Variants in SLC8A1 observed in about 807,000 individuals in gnomAD.
SLC8A1 encodes the protein solute carrier family 8 member A1.
A neutral mutation model predicts 68.3 loss-of-function variants in SLC8A1; 18 were observed. The ratio of observed to expected loss-of-function variants is 0.26; its 90% confidence interval spans 0.18 to 0.39. The LOEUF is 0.39. Among genes scored for constraint, SLC8A1 ranks in the 10% least tolerant of loss-of-function variants. The probability of loss-of-function intolerance (pLI) is 1.00; values close to 1 mark genes in which losing one functional copy is unlikely to be tolerated. For synonymous variants in SLC8A1, 475 were observed against 415.5 expected (o/e 1.14, Z -1.74); for missense variants, 985 against 1,156.7 (o/e 0.85, Z 2.15).
chr2:40,252,816 A>ACACATATAAAATTTGGCTCAAAT (rs1491512523), intron 2 of SLC8A1, among the ~76,000 whole-genome samples: 1,843 of 145,916 alleles, frequency 0.013, 45 homozygotes, highest in African/African-American at 0.044. Flanking sequence ...GTACATATAC[A>ACACATATAAAATTTGGCTCAAAT]TATATATGTA....
At chr2:40,150,051 TAAAA>T (rs56010293) in intron 6 of SLC8A1, among the ~76,000 whole-genome samples, 4 of 121,732 alleles carry the variant, frequency 3.3e-5, no homozygotes, top group Admixed American at 8.9e-5. Flanking sequence ...TCTTATTTGT[TAAAA>T]AAAAAAAAAA....
At chr2:40,356,973 A>G (rs922823245) in intron 2 of SLC8A1, among the ~76,000 whole-genome samples, 1 of 152,210 alleles carries the variant, frequency 6.6e-6, no homozygotes, top group Non-Finnish European at 1.5e-5. Flanking sequence ...TATTATAAAC[A>G]AGAACACTCC....
At chr2:40,254,196 T>G (rs918985733) in intron 2 of SLC8A1, among the ~76,000 whole-genome samples, 5 of 151,908 alleles carry the variant, frequency 3.3e-5, no homozygotes, top group African/African-American at 1.2e-4. Context: ...AAAAAGAAAA[T>G]AAAAGCTAAT....
upstream of SLC8A1, among the ~76,000 whole-genome samples, chr2:40,452,264 C>G (rs989429473): frequency 6.0e-5 from 9 of 151,190 alleles, no homozygotes; most frequent in African/African-American, 2.2e-4. Flanking sequence ...CCGGGCGCCC[C>G]GGGGCCCCCT....
At chr2:40,204,663 G>A (rs1295596600) in intron 2 of SLC8A1, among the ~76,000 whole-genome samples, 1 of 151,842 alleles carries the variant, frequency 6.6e-6, no homozygotes, top group African/African-American at 2.4e-5. Flanking sequence ...AGGTCAGACA[G>A]GTTAGTCCAA....
intron 7 of SLC8A1, among the ~76,000 whole-genome samples, chr2:40,137,439 C>T (rs1161450491): frequency 6.6e-6 from 1 of 152,150 alleles, no homozygotes; most frequent in Non-Finnish European, 1.5e-5. Context: ...CACATATTCT[C>T]CTCAGAGACT....
intron 2 of SLC8A1, among the ~76,000 whole-genome samples, chr2:40,400,736 G>C (rs1453472517): frequency 6.6e-6 from 1 of 152,126 alleles, no homozygotes; most frequent in South Asian, 2.1e-4. Context: ...TTGCAAGATG[G>C]GGGTAGGAGA....
At chr2:40,259,617 G>A (rs981567582) in intron 2 of SLC8A1, among the ~76,000 whole-genome samples, 2 of 152,124 alleles carry the variant, frequency 1.3e-5, no homozygotes, top group Non-Finnish European at 2.9e-5. Flanking sequence ...ACAAGCATGT[G>A]CCACCATGCC....
intron 6 of SLC8A1, among the ~76,000 whole-genome samples, 168 bp downstream of exon 9, chr2:40,160,597 G>A (rs1026097929): frequency 3.3e-5 from 5 of 152,192 alleles, no homozygotes; most frequent in Non-Finnish European, 4.4e-5. Flanking sequence ...CATCTAGATA[G>A]TCAATTTAGT....
chr2:40,148,486 A>G (rs1037043998), intron 6 of SLC8A1, among the ~76,000 whole-genome samples: 10 of 152,212 alleles, frequency 6.6e-5, no homozygotes, highest in African/African-American at 2.2e-4. Flanking sequence ...GGTGATGCAA[A>G]TTGAGTAACA....
At chr2:40,397,352 G>C (rs1419867946) in intron 2 of SLC8A1, among the ~76,000 whole-genome samples, 1 of 152,164 alleles carries the variant, frequency 6.6e-6, no homozygotes, top group Non-Finnish European at 1.5e-5. Flanking sequence ...ATAAAATTCA[G>C]AGGCAGTTCC....
chr2:40,123,467 C>T (rs1436216714), intron 7 of SLC8A1, among the ~76,000 whole-genome samples: 2 of 152,158 alleles, frequency 1.3e-5, no homozygotes, highest in Admixed American at 1.3e-4. Flanking sequence ...CACTCACATA[C>T]ACACACTCAC....
chr2:40,148,241 TA>T (rs1283417466), intron 6 of SLC8A1, among the ~76,000 whole-genome samples: 2 of 152,184 alleles, frequency 1.3e-5, no homozygotes, highest in Non-Finnish European at 2.9e-5. Context: ...GAATTTTATT[TA>T]AAAAAATGCA....
chr2:40,318,755 T>A (rs2074813624), intron 2 of SLC8A1, among the ~76,000 whole-genome samples: 1 of 152,082 alleles, frequency 6.6e-6, no homozygotes, highest in Non-Finnish European at 1.5e-5. Flanking sequence ...TGAAATTCAG[T>A]CTTTAGGACT....
chr2:40,502,565 A>G (rs908276153), intron 1 of SLC8A1, among the ~76,000 whole-genome samples: 4 of 152,076 alleles, frequency 2.6e-5, no homozygotes, highest in African/African-American at 9.7e-5. Context: ...TGGTTCTTAC[A>G]ATAAGAATAT....
chr2:40,456,004 T>G (rs905864687), upstream of SLC8A1, among the ~76,000 whole-genome samples: 1 of 149,446 alleles, frequency 6.7e-6, no homozygotes, highest in African/African-American at 2.5e-5. Flanking sequence ...AATTCTACAT[T>G]TGAGCAACTG....
chr2:40,240,901 T>C (rs1436510293), intron 2 of SLC8A1, among the ~76,000 whole-genome samples: 3 of 152,218 alleles, frequency 2.0e-5, no homozygotes, highest in African/African-American at 7.2e-5. Context: ...CCCACATGTG[T>C]ATTTGTCACT....
chr2:40,356,836 T>C (rs1672804816), intron 2 of SLC8A1, among the ~76,000 whole-genome samples: 2 of 152,180 alleles, frequency 1.3e-5, no homozygotes, highest in Non-Finnish European at 2.9e-5. Flanking sequence ...TGTGAGACAA[T>C]AGCAGTCATA....
At chr2:40,289,103 T>A (rs1006904252) in intron 2 of SLC8A1, among the ~76,000 whole-genome samples, 10 of 152,122 alleles carry the variant, frequency 6.6e-5, no homozygotes, top group Admixed American at 5.9e-4. Flanking sequence ...CTGATTCTTT[T>A]TTTTTTCAGT....
Sources: gnomAD v4.1 joint callset for allele counts (sites outside exome capture counted in the v4.1 genomes callset) on GRCh38, gnomAD v4.1.1 for gene constraint, MANE v1.5 for transcripts, NCBI Gene and HGNC (gene_info 2026-07-23, HGNC 2026-07-21) for gene names.